The following DPH6 variants were observed in gnomAD, a reference collection of about 807,000 sequenced individuals.
The protein encoded by DPH6 is diphthine--ammonia ligase.
Under a neutral mutation model 38.2 loss-of-function variants are expected in DPH6, and 33 were observed. That is an observed-to-expected ratio of 0.86 (90% CI 0.65 to 1.15). DPH6 has a LOEUF of 1.15. Among genes scored for constraint, DPH6 ranks in the 50% most tolerant of loss-of-function variants. DPH6 has a pLI of 0.00. For missense variants in DPH6, 325 were observed against 320.0 expected (o/e 1.02, Z -0.12); for synonymous variants, 108 against 103.0 (o/e 1.05, Z -0.30).
intron 3 of DPH6, among the ~76,000 whole-genome samples, chr15:35,247,731 C>T (rs987248623): frequency 1.3e-5 from 2 of 152,036 alleles, no homozygotes; most frequent in Admixed American, 1.3e-4. Context: ...TCTCTTTGCC[C>T]CCTTGAAATA....
intron 3 of DPH6, among the ~76,000 whole-genome samples, chr15:35,292,234 G>A (rs190952577): frequency 7.9e-5 from 12 of 152,144 alleles, no homozygotes; most frequent in Admixed American, 6.5e-4. Context: ...AAGTAAACAC[G>A]CTCCAGACAC....
In DPH6 at chr15:35,336,034, T is replaced by C. The variant is rs1411864231; in HGVS notation, n.208-4957A>G. On this transcript the variant is annotated intron_variant and non_coding_transcript_variant, in intron 3 of 3. Coordinates refer to the DPH6 transcript ENST00000558973. ...CCATGAGCACTGAATCTTTATCCAT[T>C]TGTGTCCTCTGATTTCTTTGAGCAG... 3.3e-5 allele frequency among the ~76,000 whole-genome samples: 5 copies of C among 152,176 alleles called. 1 individual carries two copies. The highest frequency in any genetic ancestry group is 1.2e-4 in the African/African-American group (5 of 41,448).
rs141412924 is a variant in DPH6, at chr15:35,516,551, C to T, written c.312+21723G>A. 1.2e-3 allele frequency among the ~76,000 whole-genome samples: 180 copies of T among 152,280 alleles called. 1 individual carries two copies. Among genetic ancestry groups the T allele is most frequent in the Admixed American group, 9.4e-3 (144 of 15,302 alleles). Reference sequence around the variant, plus strand: ...ACCTAGAACAAAGCGGAGTCAAACCCTAGAGTCCCCACTTATCCCTCAAAG... The same window carrying T: ...ACCTAGAACAAAGCGGAGTCAAACCTTAGAGTCCCCACTTATCCCTCAAAG... On this transcript the variant is annotated intron_variant, in intron 3 of 8. Transcript: ENST00000256538.
chr15:35,535,836 A>G (rs1344806172), intron 3 of DPH6, among the ~76,000 whole-genome samples: 1 of 152,146 alleles, frequency 6.6e-6, no homozygotes, highest in East Asian at 1.9e-4. Flanking sequence ...ATTTCTACAA[A>G]ATAGTTATGA....
intron 3 of DPH6, among the ~76,000 whole-genome samples, chr15:35,322,440 G>A (rs2052248835): frequency 6.6e-6 from 1 of 152,222 alleles, no homozygotes; most frequent in Non-Finnish European, 1.5e-5. Context: ...TTGGAGGTTA[G>A]AAGCAAAATG....
the DPH6 span, chr15:35,181,854 TGTAA>T: frequency 2.6e-5 from 4 of 152,212 alleles, no homozygotes; most frequent in Non-Finnish European, 4.4e-5. Context: ...GACCTATTTT[TGTAA>T]GTATTAATTA....
intron 3 of DPH6, among the ~76,000 whole-genome samples, chr15:35,286,830 T>C (rs1441925715): frequency 6.6e-6 from 1 of 152,196 alleles, no homozygotes; most frequent in East Asian, 1.9e-4. Context: ...GGTATTTTTG[T>C]TCTCCCCTGA....
At chr15:35,274,693 T>C (rs1485531402) in intron 3 of DPH6, among the ~76,000 whole-genome samples, 2 of 151,748 alleles carry the variant, frequency 1.3e-5, no homozygotes, top group Admixed American at 6.6e-5. Context: ...CACAATGAGA[T>C]ACCATCTCAC....
intron 3 of DPH6, among the ~76,000 whole-genome samples, chr15:35,283,589 C>T (rs2051917763): frequency 6.6e-6 from 1 of 152,130 alleles, no homozygotes; most frequent in Admixed American, 6.6e-5. Context: ...GCTACCACAC[C>T]CGGCCCCTGA....
chr15:35,486,602 C>A (rs1178845987), intron 3 of DPH6, among the ~76,000 whole-genome samples: 1 of 152,092 alleles, frequency 6.6e-6, no homozygotes, highest in African/African-American at 2.4e-5. Context: ...TACCTCCCAC[C>A]AAGTCCCTCT....
chr15:35,464,292 C>CAA (rs371821044), intron 3 of DPH6, among the ~76,000 whole-genome samples: 9,444 of 113,404 alleles, frequency 0.083, 418 homozygotes, highest in African/African-American at 0.14. Flanking sequence ...GACTTTGTCT[C>CAA]AAAAAAAAAA....
At chr15:35,496,772 G>A (rs1271933053) in intron 3 of DPH6, among the ~76,000 whole-genome samples, 1 of 151,334 alleles carries the variant, frequency 6.6e-6, no homozygotes, top group African/African-American at 2.4e-5. Flanking sequence ...AACACCAGAA[G>A]GACTTACTTC....
intron 3 of DPH6, among the ~76,000 whole-genome samples, chr15:35,462,274 A>C (rs951363550): frequency 1.2e-4 from 18 of 152,184 alleles, no homozygotes; most frequent in Non-Finnish European, 2.1e-4. Context: ...CTATCTCCAC[A>C]AACAGAGTGA....
At chr15:35,162,328 G>A in the DPH6 span, among the ~76,000 whole-genome samples, 3 of 151,882 alleles carry the variant, frequency 2.0e-5, no homozygotes, top group South Asian at 6.2e-4. Context: ...ATAAAATCCA[G>A]CTGCCTAAGA....
chr15:35,158,731 C>T, the DPH6 span, among the ~76,000 whole-genome samples: 2 of 152,066 alleles, frequency 1.3e-5, no homozygotes, highest in South Asian at 4.1e-4. Flanking sequence ...TACCAGCATA[C>T]ACAATGGGTT....
At chr15:35,433,306 C>A (rs2053655077) in intron 5 of DPH6, among the ~76,000 whole-genome samples, 1 of 152,136 alleles carries the variant, frequency 6.6e-6, no homozygotes, top group African/African-American at 2.4e-5. Context: ...GGCAAGGATA[C>A]AAACTTGCTT....
chr15:35,230,550 A>C (rs1188260623), intron 3 of DPH6, among the ~76,000 whole-genome samples: 1 of 152,142 alleles, frequency 6.6e-6, no homozygotes, highest in Admixed American at 6.5e-5. Flanking sequence ...AAGGTGCAAG[A>C]CAAAGTCCCA....
chr15:35,532,413 G>A (rs1291451709), intron 3 of DPH6, among the ~76,000 whole-genome samples: 1 of 152,140 alleles, frequency 6.6e-6, no homozygotes, highest in Non-Finnish European at 1.5e-5. Context: ...TGAAGTCAAG[G>A]GGTCAGATTT....
intron 3 of DPH6, among the ~76,000 whole-genome samples, chr15:35,363,109 T>C (rs2052627538): frequency 6.6e-6 from 1 of 152,212 alleles, no homozygotes; most frequent in Admixed American, 6.5e-5. Context: ...ATAATATGTG[T>C]ACTGCACTTG....
Sources: gnomAD v4.1 joint callset for allele counts (sites outside exome capture counted in the v4.1 genomes callset) on GRCh38, gnomAD v4.1.1 for gene constraint, MANE v1.5 for transcripts, NCBI Gene and HGNC (gene_info 2026-07-23, HGNC 2026-07-21) for gene names.